Variants in CRBN observed in about 807,000 individuals in gnomAD.
CRBN encodes the protein cereblon.
In CRBN, 53 loss-of-function variants were observed where a neutral mutation model predicts 62.2. The observed-to-expected ratio is 0.85, with a 90% CI of 0.68 to 1.07. The LOEUF is 1.07. Ranked by LOEUF, CRBN falls within the 50% of genes least tolerant of loss-of-function variation. The pLI, the probability that CRBN is intolerant of heterozygous loss-of-function variation, is 0.00. For synonymous variants in CRBN, 208 were observed against 176.1 expected (o/e 1.18, Z -1.43); for missense variants, 616 against 531.1 (o/e 1.16, Z -1.57).
At chr3:3,169,972 T>C (rs1022933059) in intron 4 of CRBN, among the ~76,000 whole-genome samples, 1 of 152,016 alleles carries the variant, frequency 6.6e-6, no homozygotes, top group Non-Finnish European at 1.5e-5. Context: ...CTCATGACTT[T>C]GGGGGTTGTA....
chr3:3,170,934 T>C (rs1464528218), intron 4 of CRBN, among the ~76,000 whole-genome samples: 1 of 152,114 alleles, frequency 6.6e-6, no homozygotes. Flanking sequence ...GCCTCCCTAG[T>C]AGCTGGGATT....
Position 3,179,671 on chromosome 3 carries a change from T to G in CRBN, c.17A>C (p.Asp6Ala). Reference protein sequence around the residue: MAGEGDQQDAAHNMGN... With the variant: MAGEGAQQDAAHNMGN... ...CATGTTGTGCGCAGCGTCCTGCTGA[T>G]CTCCTTCGCCGGCCATGTCTGTTTA... The change falls in exon 1 of 11, where the codon GAT becomes GCT. Residue 6 changes from aspartate to alanine, a missense_variant. By Grantham distance (126) the Asp-to-Ala change is moderately radical. Coordinates refer to ENST00000231948, the MANE Select transcript of CRBN (RefSeq NM_016302.4). 6.2e-7 allele frequency: 1 copy of G among 1,613,002 alleles called. No individual in the cohort carries two copies. The highest frequency in any genetic ancestry group is 8.5e-7 in the Non-Finnish European group (1 of 1,179,572).
chr3:3,150,848 A>C lies in CRBN; in HGVS notation c.*17T>G, dbSNP rs1706484718. ...TATAACCAATTTGTTAGATAACTTT[A>C]TCTCTATCACATCTGTTTACAAGCA... On this transcript the variant is annotated 3_prime_UTR_variant, in exon 11 of 11. Transcript: ENST00000231948. The C allele has an allele frequency of 2.0e-6, 3 of 1,484,424 alleles. No individual in the cohort carries two copies. Among genetic ancestry groups the C allele is most frequent in the African/African-American group, 1.4e-5 (1 of 71,236 alleles). The allele number at this position is 1,484,424 out of a possible 1,614,324, so 92.0% of individuals were successfully genotyped here. A position where few individuals can be genotyped will look rare whatever the true frequency, so the allele number is the denominator to read the frequency against.
chr3:3,164,683 T>C (rs1707259188), intron 5 of CRBN, among the ~76,000 whole-genome samples: 1 of 152,212 alleles, frequency 6.6e-6, no homozygotes, highest in Non-Finnish European at 1.5e-5. Context: ...AGACTCTTTA[T>C]AATTATTACT....
In CRBN at chr3:3,163,122, G is replaced by C. The variant is rs370779851; in HGVS notation, c.687+4512C>G. 1.4e-3 allele frequency among the ~76,000 whole-genome samples: 206 copies of C among 152,310 alleles called. 2 individuals are homozygous for C. Among genetic ancestry groups the C allele is most frequent in the Middle Eastern group, 6.8e-3 (2 of 294 alleles). ...GCAGAACAGAGTTTGTAGGTCACTT[G>C]GAGTCCAAAATAGATCAGCTAGCGG... On this transcript the variant is annotated intron_variant, in intron 5 of 10. Coordinates refer to ENST00000231948, the MANE Select transcript of CRBN (RefSeq NM_016302.4).
chr3:3,176,009 G>T (rs1184404976), intron 1 of CRBN, among the ~76,000 whole-genome samples: 5 of 152,126 alleles, frequency 3.3e-5, no homozygotes, highest in Non-Finnish European at 5.9e-5. Flanking sequence ...TGTGTGTCAG[G>T]TTTTTCCGCT....
At chr3:3,170,305 A>C (rs1458615817) in intron 4 of CRBN, among the ~76,000 whole-genome samples, 2 of 152,154 alleles carry the variant, frequency 1.3e-5, no homozygotes, top group Non-Finnish European at 2.9e-5. Context: ...TTAATAAATG[A>C]AGTGTCATTT....
intron 5 of CRBN, 192 bp from the exon 6 acceptor site, chr3:3,156,473 A>G (rs1472186664): frequency 6.7e-6 from 4 of 593,516 alleles, no homozygotes; most frequent in African/African-American, 5.6e-5. Context: ...TCCTTCAAAT[A>G]TATATTGTAA....
chr3:3,171,727 C>CA (rs1707625300), intron 4 of CRBN, among the ~76,000 whole-genome samples: 1 of 152,098 alleles, frequency 6.6e-6, no homozygotes, highest in Non-Finnish European at 1.5e-5. Flanking sequence ...GTGAACAAAA[C>CA]AGACAAAACG....
rs1474367959 is a variant in CRBN, at chr3:3,154,662, A to G, written c.835+85T>C. The G allele has an allele frequency of 8.9e-6, 7 of 785,370 alleles. No individual in the cohort carries two copies. The Admixed American group carries it at 1.2e-4, about 14-fold the overall frequency. The allele number at this position is 785,370 out of a possible 1,614,324, so 48.7% of individuals were successfully genotyped here. A position where few individuals can be genotyped will look rare whatever the true frequency, so the allele number is the denominator to read the frequency against. ...GTTTTAATCAGTCTTAAAACCTAGA[A>G]GATATGATTGGATCGCATCCATGAA... On this transcript the variant is annotated intron_variant, in intron 7 of 10. Coordinates refer to ENST00000231948, the MANE Select transcript of CRBN (RefSeq NM_016302.4).
chr3:3,167,538 G>T, intron 5 of CRBN, 96 bp downstream of exon 5: 1 of 1,198,474 alleles, frequency 8.3e-7, no homozygotes. Flanking sequence ...AAGGTGGCTG[G>T]GTAATGAATC....
At chr3:3,166,138 T>C (rs1011624919) in intron 5 of CRBN, among the ~76,000 whole-genome samples, 56 of 149,878 alleles carry the variant, frequency 3.7e-4, no homozygotes, top group African/African-American at 1.3e-3. Context: ...AAATCTCATC[T>C]TGAATTGTAA....
chr3:3,176,351 T>C (rs961503249), intron 1 of CRBN, among the ~76,000 whole-genome samples: 22 of 152,228 alleles, frequency 1.4e-4, no homozygotes, highest in African/African-American at 5.1e-4. Flanking sequence ...AGGCAAGATC[T>C]GTTAATTAAA....
At chr3:3,166,234 G>C (rs560480381) in intron 5 of CRBN, among the ~76,000 whole-genome samples, 50 of 152,262 alleles carry the variant, frequency 3.3e-4, no homozygotes, top group South Asian at 4.1e-4. Context: ...CTGTTCTTGT[G>C]ATAGTGAATG....
intron 4 of CRBN, among the ~76,000 whole-genome samples, chr3:3,168,206 C>G (rs1707429989): frequency 1.3e-5 from 2 of 152,042 alleles, no homozygotes; most frequent in African/African-American, 4.8e-5. Context: ...ACTCTTACAT[C>G]TATCCTTTCT....
Position 3,167,506 on chromosome 3 carries a change from T to C in CRBN, c.687+128A>G, listed in dbSNP as rs546603781. Reference sequence around the variant, plus strand: ...CCTGTGCAATTTTTAGAGGATCAAATGTAGCTGGAATATTGCCATACAAGG... The same window carrying C: ...CCTGTGCAATTTTTAGAGGATCAAACGTAGCTGGAATATTGCCATACAAGG... On this transcript the variant is annotated intron_variant, in intron 5 of 10. Transcript: ENST00000231948. The C allele has an allele frequency of 5.6e-6, 5 of 891,670 alleles. No individual in the cohort carries two copies. The South Asian group carries it at 6.4e-5, about 11-fold the overall frequency. The allele number at this position is 891,670 out of a possible 1,614,324, so 55.2% of individuals were successfully genotyped here.
chr3:3,167,056 A>C (rs1415586992), intron 5 of CRBN, among the ~76,000 whole-genome samples: 1 of 152,128 alleles, frequency 6.6e-6, no homozygotes, highest in Non-Finnish European at 1.5e-5. Context: ...ACGAGTAGAA[A>C]CAGGCTCCCT....
At chr3:3,152,308 A>G in intron 10 of CRBN, 148 bp downstream of exon 10, 1 of 838,330 alleles carries the variant, frequency 1.2e-6, no homozygotes, top group Non-Finnish European at 1.9e-6. Flanking sequence ...CCCTGCCCCC[A>G]TACCCGGCTA....
chr3:3,159,276 T>C (rs547739650), intron 5 of CRBN, among the ~76,000 whole-genome samples: 7 of 152,162 alleles, frequency 4.6e-5, no homozygotes, highest in Non-Finnish European at 7.3e-5. Context: ...TTCAATACCC[T>C]GTCGAGCTTA....
Sources: gnomAD v4.1 joint callset for allele counts (sites outside exome capture counted in the v4.1 genomes callset) on GRCh38, gnomAD v4.1.1 for gene constraint, MANE v1.5 for transcripts, NCBI Gene and HGNC (gene_info 2026-07-23, HGNC 2026-07-21) for gene names.